Variants in PIK3C2G observed in about 807,000 individuals in gnomAD.
PIK3C2G encodes phosphatidylinositol-4-phosphate 3-kinase catalytic subunit type 2 gamma, also known as phosphatidylinositol 3-kinase C2 domain-containing subunit gamma.
Under a neutral mutation model 181.1 loss-of-function variants are expected in PIK3C2G, and 168 were observed. The ratio of observed to expected loss-of-function variants is 0.93; its 90% CI spans 0.82 to 1.05. The LOEUF (loss-of-function observed/expected upper bound fraction) is 1.05. Ranked by LOEUF, PIK3C2G falls within the 50% of genes least tolerant of loss-of-function variation. PIK3C2G has a pLI of 0.00. For missense variants in PIK3C2G, 1,869 were observed against 1,732.8 expected (o/e 1.08, Z -1.40); for synonymous variants, 573 against 592.2 (o/e 0.97, Z 0.47).
rs1292647287 is a variant in PIK3C2G, at chr12:18,282,240, C to T, written c.159C>T (p.His53=). 3 of 1,613,540 alleles carry T rather than the reference C, an allele frequency of 1.9e-6. No individual in the cohort carries two copies. Among genetic ancestry groups the T allele is most frequent in the Non-Finnish European group, 1.7e-6 (2 of 1,179,722 alleles). Residue 53 remains histidine (H), a synonymous_variant, in exon 2 of 33, where the codon CAC becomes CAT. Coordinates refer to ENST00000538779, the MANE Select transcript of PIK3C2G (RefSeq NM_001288772.2). ...IVDEISGKIP[H]YESEIDENTF... is the part of the protein sequence containing the mutation. Reference sequence around the variant, plus strand: ...ATGAGATCAGTGGCAAAATTCCACACTACGAGAGTGAAATTGATGAAAACA... The same window carrying T: ...ATGAGATCAGTGGCAAAATTCCACATTACGAGAGTGAAATTGATGAAAACA...
the PIK3C2G span, among the ~76,000 whole-genome samples, chr12:18,694,435 T>A: frequency 2.3e-3 from 348 of 152,290 alleles, 1 homozygote; most frequent in Non-Finnish European, 3.2e-3. Flanking sequence ...ATAATTTTTC[T>A]TTTTAAGTAA....
the PIK3C2G span, among the ~76,000 whole-genome samples, chr12:18,673,690 A>C: frequency 2.6e-5 from 4 of 152,176 alleles, no homozygotes; most frequent in Non-Finnish European, 4.4e-5. Flanking sequence ...CCTCTGATTC[A>C]CTGTCTCTCA....
At chr12:18,373,980 T>A (rs563703588) in intron 13 of PIK3C2G, among the ~76,000 whole-genome samples, 11 of 152,338 alleles carry the variant, frequency 7.2e-5, no homozygotes, top group Non-Finnish European at 1.3e-4. Context: ...CGAGAAAGTG[T>A]TATCCTCACC....
intron 12 of PIK3C2G, among the ~76,000 whole-genome samples, chr12:18,369,476 G>T (rs1394067952): frequency 6.9e-6 from 1 of 145,648 alleles, no homozygotes; most frequent in Admixed American, 6.9e-5. Context: ...ATCATATAAC[G>T]ATCGTATAAT....
At position 18,447,512 on chromosome 12, in the gene PIK3C2G, C is replaced by T. The variant is rs1391221712; in HGVS notation, c.2504+23473C>T. Among the ~76,000 whole-genome samples, 3 of 152,208 alleles carry T rather than the reference C, an allele frequency of 2.0e-5. No homozygotes were observed. The South Asian group carries it at 6.2e-4, about 32-fold the overall frequency. ...TATATCCTATTAACACACAGATACA[C>T]GCACTTCATGTCAGGTGCCCCTTCA... On this transcript the variant is annotated intron_variant, in intron 18 of 32. Coordinates refer to ENST00000538779, the MANE Select transcript of PIK3C2G (RefSeq NM_001288772.2).
intron 17 of PIK3C2G, among the ~76,000 whole-genome samples, chr12:18,422,485 T>C (rs1945545054): frequency 6.6e-6 from 1 of 152,082 alleles, no homozygotes; most frequent in South Asian, 2.1e-4. Context: ...TTATGCAGTC[T>C]ATATTAAAGC....
chr12:18,578,037 G>T (rs2136407614), intron 29 of PIK3C2G, among the ~76,000 whole-genome samples: 1 of 152,226 alleles, frequency 6.6e-6, no homozygotes, highest in East Asian at 1.9e-4. Flanking sequence ...AGAATAAACT[G>T]GGAAGGTTTT....
At chr12:18,468,986 G>C (rs906967052) in intron 18 of PIK3C2G, among the ~76,000 whole-genome samples, 3 of 151,972 alleles carry the variant, frequency 2.0e-5, no homozygotes, top group African/African-American at 7.2e-5. Context: ...AGAAGAAAAA[G>C]ACCAACATGA....
chr12:18,321,575 C>T (rs977742803), intron 7 of PIK3C2G, among the ~76,000 whole-genome samples: 1 of 152,152 alleles, frequency 6.6e-6, no homozygotes, highest in African/African-American at 2.4e-5. Context: ...GGTGTATCTG[C>T]AGTTAAGGTT....
At chr12:18,722,694 A>G in the PIK3C2G span, among the ~76,000 whole-genome samples, 2 of 152,082 alleles carry the variant, frequency 1.3e-5, no homozygotes, top group Non-Finnish European at 2.9e-5. Context: ...TGAAAGATGG[A>G]ACAAAGATCA....
intron 6 of PIK3C2G, among the ~76,000 whole-genome samples, chr12:18,317,018 T>C (rs1950894025): frequency 6.8e-6 from 1 of 148,022 alleles, no homozygotes; most frequent in African/African-American, 2.5e-5. Context: ...ATTCTTTTTT[T>C]TTTTTTTTTT....
At chr12:18,341,320 T>C (rs1939119930) in intron 9 of PIK3C2G, among the ~76,000 whole-genome samples, 1 of 152,148 alleles carries the variant, frequency 6.6e-6, no homozygotes, top group African/African-American at 2.4e-5. Context: ...ACAATTATAA[T>C]ACTCAAGAAA....
intron 13 of PIK3C2G, among the ~76,000 whole-genome samples, chr12:18,376,778 T>A (rs972579841): frequency 1.3e-5 from 2 of 152,124 alleles, no homozygotes; most frequent in Non-Finnish European, 2.9e-5. Flanking sequence ...ACTTGCAAGA[T>A]CTGGTTGGTT....
intron 26 of PIK3C2G, among the ~76,000 whole-genome samples, chr12:18,559,807 TATATATATATATATAGAGAG>T (rs1362809180): frequency 5.0e-3 from 207 of 41,696 alleles, no homozygotes; most frequent in Admixed American, 7.3e-3. Context: ...TATATATATA[TATATATATATATATAGAGAG>T]AGAGAGAGAG....
At chr12:18,509,277 A>T (rs1942055388) in intron 24 of PIK3C2G, among the ~76,000 whole-genome samples, 1 of 152,066 alleles carries the variant, frequency 6.6e-6, no homozygotes, top group South Asian at 2.1e-4. Context: ...CGAACTCCCG[A>T]CCTCAGGCAA....
At chr12:18,604,633 C>T (rs1947914972) in intron 30 of PIK3C2G, among the ~76,000 whole-genome samples, 1 of 152,102 alleles carries the variant, frequency 6.6e-6, no homozygotes, top group Non-Finnish European at 1.5e-5. Flanking sequence ...CAAGATAGAC[C>T]ATATGACAGG....
Position 18,321,067 on chromosome 12 carries a change from C to T in PIK3C2G, c.1208+35C>T, listed in dbSNP as rs747858687. 2.8e-6 allele frequency: 3 copies of T among 1,067,238 alleles called. No individual in the cohort carries two copies. The African/African-American group carries it at 4.8e-5, about 17-fold the overall frequency. The allele number at this position is 1,067,238 out of a possible 1,614,324, so 66.1% of individuals were successfully genotyped here. A position where few individuals can be genotyped will look rare whatever the true frequency, so the allele number is the denominator to read the frequency against. On this transcript the variant is annotated intron_variant, in intron 7 of 32. Transcript: ENST00000538779. ...TTTATATTTGTTCCAAGACTACTTT[C>T]TGATTGAGTTCTCAAATGTCAAATC...
intron 7 of PIK3C2G, among the ~76,000 whole-genome samples, chr12:18,321,305 G>T (rs546250114): frequency 6.6e-6 from 1 of 152,156 alleles, no homozygotes; most frequent in South Asian, 2.1e-4. Flanking sequence ...TTGTTTTCCC[G>T]ATTCATTTTG....
chr12:18,389,501 T>A (rs1943401302), intron 14 of PIK3C2G, among the ~76,000 whole-genome samples: 1 of 152,222 alleles, frequency 6.6e-6, no homozygotes, highest in Non-Finnish European at 1.5e-5. Flanking sequence ...TATTCCCTAT[T>A]TTAATTGTTA....
Sources: gnomAD v4.1 joint callset for allele counts (sites outside exome capture counted in the v4.1 genomes callset) on GRCh38, gnomAD v4.1.1 for gene constraint, MANE v1.5 for transcripts, NCBI Gene and HGNC (gene_info 2026-07-23, HGNC 2026-07-21) for gene names.